ANO3: variants seen among roughly 807,000 people sequenced by gnomAD.
ANO3 encodes the protein anoctamin 3.
Under a neutral mutation model 144.8 loss-of-function variants are expected in ANO3, and 99 were observed. That is an observed-to-expected ratio of 0.68 (90% CI 0.58 to 0.81). ANO3 has a LOEUF of 0.81. Ranked by LOEUF, ANO3 falls within the 30% of genes least tolerant of loss-of-function variation. The pLI is 0.00. For missense variants in ANO3, 905 were observed against 1,202.2 expected (o/e 0.75, Z 3.66); for synonymous variants, 414 against 392.6 (o/e 1.05, Z -0.64).
rs751883840 is a variant in ANO3, at chr11:26,642,044, T to A, written c.2275+15T>A. On this transcript the variant is annotated intron_variant, in intron 22 of 26. Coordinates refer to ENST00000256737, the MANE Select transcript of ANO3 (RefSeq NM_031418.4). ...CTTAGAAATGGGTAAGGAAAAAAAA[T>A]CTGCAGGACTATTTGGCCTTCTTGA... 6.2e-7 allele frequency: 1 copy of A among 1,606,476 alleles called. No individual in the cohort carries two copies. Among genetic ancestry groups the A allele is most frequent in the Non-Finnish European group, 8.5e-7 (1 of 1,176,784 alleles).
chr11:26,531,768 A>C (rs927656822), intron 8 of ANO3, among the ~76,000 whole-genome samples: 1 of 152,182 alleles, frequency 6.6e-6, no homozygotes, highest in Non-Finnish European at 1.5e-5. Flanking sequence ...TTTTAGTTCA[A>C]TCTTATTAAA....
intron 1 of ANO3, among the ~76,000 whole-genome samples, chr11:26,420,240 A>C (rs949796937): frequency 1.3e-5 from 2 of 152,124 alleles, no homozygotes; most frequent in African/African-American, 4.8e-5. Context: ...AACATCTTAG[A>C]GTACTTACAG....
intron 6 of ANO3, 85 bp downstream of exon 6, chr11:26,517,012 C>T (rs935816540): frequency 9.0e-6 from 6 of 664,526 alleles, no homozygotes; most frequent in South Asian, 2.7e-5. Context: ...CAAATGCAAC[C>T]CCTTCTACAG....
rs1372016844 is a variant in ANO3, at chr11:26,641,921, C to T, written c.2167C>T (p.His723Tyr). ...YPLIQNWWSR[H>Y]KIKRGIHDAS... ...GTTGATCCAGAACTGGTGGTCACGA[C>T]ATAAAATCAAGCGGGGAATACATGA... Residue 723 changes from histidine to tyrosine, a missense_variant, in exon 22 of 27, where the codon CAT becomes TAT. His to Tyr is a moderately conservative substitution (Grantham distance 83). Around this residue, in one of 4 missense-constraint regions of ANO3, gnomAD observed 597 missense variants for 865.1 expected, o/e 0.69. Transcript: ENST00000256737. 1.2e-6 allele frequency: 2 copies of T among 1,613,822 alleles called. No individual in the cohort carries two copies. Among genetic ancestry groups the T allele is most frequent in the Non-Finnish European group, 1.7e-6 (2 of 1,179,936 alleles).
intron 24 of ANO3, among the ~76,000 whole-genome samples, chr11:26,649,797 T>C (rs1396511312): frequency 1.3e-5 from 2 of 152,168 alleles, no homozygotes; most frequent in Non-Finnish European, 2.9e-5. Context: ...AATAAGATCT[T>C]ATGAACTCTA....
At chr11:26,383,885 G>GTTA (rs1856650359) in intron 1 of ANO3, among the ~76,000 whole-genome samples, 6 of 65,344 alleles carry the variant, frequency 9.2e-5, no homozygotes, top group African/African-American at 3.2e-4. Flanking sequence ...GCCATGCATT[G>GTTA]TTCTTTTTTT....
At chr11:26,651,096 T>C (rs574033771) in intron 24 of ANO3, among the ~76,000 whole-genome samples, 5 of 152,344 alleles carry the variant, frequency 3.3e-5, no homozygotes, top group African/African-American at 1.2e-4. Flanking sequence ...TATTAACAAT[T>C]GTGAGTTTTT....
At chr11:26,482,295 C>T (rs1468976805) in intron 4 of ANO3, among the ~76,000 whole-genome samples, 1 of 151,680 alleles carries the variant, frequency 6.6e-6, no homozygotes, top group Non-Finnish European at 1.5e-5. Context: ...TATACATGTG[C>T]CATGTTGGTG....
At chr11:26,595,904 A>G (rs1385047756) in intron 14 of ANO3, among the ~76,000 whole-genome samples, 2 of 152,072 alleles carry the variant, frequency 1.3e-5, no homozygotes, top group Non-Finnish European at 2.9e-5. Flanking sequence ...TTATTTTTCT[A>G]CTTTCTTCTG....
chr11:26,376,279 C>G (rs1402958494), intron 1 of ANO3, among the ~76,000 whole-genome samples: 4 of 152,100 alleles, frequency 2.6e-5, no homozygotes, highest in Non-Finnish European at 5.9e-5. Flanking sequence ...TTTTTAGTAA[C>G]AGTCACCTTA....
At chr11:26,269,768 G>A (rs1187361571) in intron 1 of ANO3, among the ~76,000 whole-genome samples, 4 of 152,072 alleles carry the variant, frequency 2.6e-5, no homozygotes, top group Non-Finnish European at 4.4e-5. Context: ...CTACCTTTTC[G>A]GGTTTGACAG....
At chr11:26,642,472 C>T (rs4998800) in intron 22 of ANO3, among the ~76,000 whole-genome samples, 1 of 150,656 alleles carries the variant, frequency 6.6e-6, no homozygotes, top group Non-Finnish European at 1.5e-5. Flanking sequence ...CTACCTCAGC[C>T]TCTCAAGTAG....
upstream of ANO3, chr11:26,331,318 C>T (rs1855034082): frequency 6.6e-6 from 1 of 152,038 alleles, no homozygotes; most frequent in South Asian, 2.1e-4. Context: ...TGCACATGTA[C>T]CACGAACTTA....
At chr11:26,326,355 A>G (rs567139234) in intron 1 of ANO3, among the ~76,000 whole-genome samples, 4 of 152,254 alleles carry the variant, frequency 2.6e-5, no homozygotes, top group African/African-American at 9.6e-5. Flanking sequence ...AAATGAAAAA[A>G]TAAACCTTTT....
intron 6 of ANO3, among the ~76,000 whole-genome samples, chr11:26,521,956 G>A (rs898334837): frequency 7.2e-5 from 11 of 152,180 alleles, no homozygotes; most frequent in Admixed American, 2.0e-4. Context: ...AGGCCGAAGC[G>A]GGTGGATCAA....
chr11:26,204,420 C>T (rs1851756912), intron 1 of ANO3, among the ~76,000 whole-genome samples: 2 of 152,120 alleles, frequency 1.3e-5, no homozygotes, highest in Admixed American at 1.3e-4. Context: ...ATGAGGACAC[C>T]TCCAACTCTG....
upstream of ANO3, among the ~76,000 whole-genome samples, chr11:26,328,979 T>C (rs971852740): frequency 6.6e-6 from 1 of 152,130 alleles, no homozygotes; most frequent in African/African-American, 2.4e-5. Context: ...GAGTCAAGAC[T>C]GTACTGTGTA....
chr11:26,251,628 C>G (rs1052592494), intron 1 of ANO3, among the ~76,000 whole-genome samples: 1 of 152,072 alleles, frequency 6.6e-6, no homozygotes, highest in Non-Finnish European at 1.5e-5. Context: ...ACTGCTATAA[C>G]GAAATACCCA....
chr11:26,334,324 A>G (rs931905766), intron 1 of ANO3, among the ~76,000 whole-genome samples: 1 of 152,254 alleles, frequency 6.6e-6, no homozygotes, highest in Admixed American at 6.5e-5. Context: ...GGCATTAGGA[A>G]AAAAACAGAC....
Sources: allele counts gnomAD v4.1 joint callset (sites outside exome capture counted in the v4.1 genomes callset), GRCh38; gene constraint gnomAD v4.1.1; regional missense constraint gnomAD v4.1.1; transcripts MANE v1.5; gene names NCBI Gene and HGNC (gene_info 2026-07-23, HGNC 2026-07-21).